Variants in ATXN7 observed in about 807,000 individuals in gnomAD.
ATXN7 encodes ataxin-7.
ATXN7 carries 12 observed loss-of-function variants against 70.5 expected under a neutral mutation model. The ratio of observed to expected loss-of-function variants is 0.17; its 90% CI spans 0.11 to 0.28. The LOEUF (loss-of-function observed/expected upper bound fraction) is 0.28. Among genes scored for constraint, ATXN7 ranks in the 10% least tolerant of loss-of-function variants. The pLI is 1.00. For synonymous variants in ATXN7, 498 were observed against 448.7 expected, an observed-to-expected ratio of 1.11 and a Z score of -1.39; for missense variants, 1,256 against 1,131.7, an observed-to-expected ratio of 1.11 and a Z score of -1.58.
intron 4 of ATXN7, among the ~76,000 whole-genome samples, chr3:63,920,375 C>T (rs1704460107): frequency 6.6e-6 from 1 of 152,116 alleles, no homozygotes; most frequent in Non-Finnish European, 1.5e-5. Flanking sequence ...GAAACTACGA[C>T]TCAGAAAAGT....
chr3:63,913,457 T>C (rs527436796), intron 4 of ATXN7, among the ~76,000 whole-genome samples: 3 of 152,148 alleles, frequency 2.0e-5, no homozygotes, highest in Non-Finnish European at 4.4e-5. Flanking sequence ...GCAGCATTAT[T>C]GGTGATGAGC....
At chr3:63,973,888 C>T (rs1339250018) in intron 5 of ATXN7, among the ~76,000 whole-genome samples, 1 of 151,848 alleles carries the variant, frequency 6.6e-6, no homozygotes, top group African/African-American at 2.4e-5. Context: ...GAAGGCACAA[C>T]TCAAAGGTGG....
intron 9 of ATXN7, among the ~76,000 whole-genome samples, chr3:63,989,318 A>T (rs1000332398): frequency 1.3e-5 from 2 of 152,156 alleles, no homozygotes; most frequent in African/African-American, 4.8e-5. Flanking sequence ...AATTCCAGAG[A>T]CCATTGTAGG....
chr3:63,942,514 A>G (rs1198260734), intron 4 of ATXN7, among the ~76,000 whole-genome samples: 2 of 152,156 alleles, frequency 1.3e-5, no homozygotes, highest in African/African-American at 4.8e-5. Flanking sequence ...GTTCACCGAT[A>G]TATTTACCCA....
intron 4 of ATXN7, among the ~76,000 whole-genome samples, chr3:63,940,641 C>T (rs1202345429): frequency 3.9e-5 from 6 of 152,126 alleles, no homozygotes; most frequent in South Asian, 2.1e-4. Flanking sequence ...AGATATAGAC[C>T]GCAACTTTTT....
intron 5 of ATXN7, among the ~76,000 whole-genome samples, chr3:63,959,632 T>G (rs1359267528): frequency 2.0e-5 from 3 of 152,238 alleles, no homozygotes; most frequent in African/African-American, 7.2e-5. Context: ...ATAACTTAAG[T>G]AGCATTAGAT....
At chr3:63,907,848 A>C (rs1359391462) in intron 2 of ATXN7, among the ~76,000 whole-genome samples, 1 of 152,144 alleles carries the variant, frequency 6.6e-6, no homozygotes, top group African/African-American at 2.4e-5. Flanking sequence ...ATAAAATTAC[A>C]AGCCAGTTTT....
Position 63,995,454 on chromosome 3 carries a change from T to G in ATXN7, c.1683-51T>G, listed in dbSNP as rs372875490. 3.9e-5 allele frequency: 62 copies of G among 1,597,048 alleles called. No individual in the cohort carries two copies. The African/African-American group carries it at 5.2e-4, about 13-fold the overall frequency. On this transcript the variant is annotated intron_variant, in intron 11 of 12. Coordinates refer to ENST00000674280, the MANE Select transcript of ATXN7 (RefSeq NM_001377405.1). The stretch of plus-strand genomic sequence containing the variant: ...AAGAGGGTGGTGCCATCTGAAAGTC[T>G]CTGTGAATGGCTGTGGTCAGTGTCA...
Position 63,929,439 on chromosome 3 carries a change from A to G in ATXN7, c.394+16214A>G, listed in dbSNP as rs185680001. On this transcript the variant is annotated intron_variant, in intron 4 of 12. Coordinates refer to ENST00000674280, the MANE Select transcript of ATXN7 (RefSeq NM_001377405.1). ...AGGCATGCGCCACCATGCCCAGCTAATTTTTGTATTTTTAGTAGAGACCGG... is the reference window on the plus strand; with the variant it reads ...AGGCATGCGCCACCATGCCCAGCTAGTTTTTGTATTTTTAGTAGAGACCGG... Among the ~76,000 whole-genome samples, 607 of 151,884 alleles carry G rather than the reference A, an allele frequency of 4.0e-3. 4 individuals are homozygous for G. Among genetic ancestry groups the G allele is most frequent in the Non-Finnish European group, 5.0e-3 (338 of 67,958 alleles).
At chr3:63,994,764 C>G (rs768271404) in intron 11 of ATXN7, among the ~76,000 whole-genome samples, 9 of 152,154 alleles carry the variant, frequency 5.9e-5, no homozygotes, top group Non-Finnish European at 1.3e-4. Flanking sequence ...GGTTTAAATT[C>G]TGCCAAAGAA....
chr3:63,928,885 T>C (rs897769681), intron 4 of ATXN7, among the ~76,000 whole-genome samples: 2 of 152,228 alleles, frequency 1.3e-5, no homozygotes, highest in African/African-American at 4.8e-5. Flanking sequence ...GCTTGGTTAA[T>C]GTTTTAGATA....
At chr3:63,977,796 A>G (rs527897127) in intron 5 of ATXN7, among the ~76,000 whole-genome samples, 3 of 152,220 alleles carry the variant, frequency 2.0e-5, no homozygotes, top group Non-Finnish European at 2.9e-5. Context: ...TGAAATACCA[A>G]TGATGTCCCC....
At chr3:63,874,893 C>G (rs928582937) in intron 1 of ATXN7, among the ~76,000 whole-genome samples, 1 of 152,040 alleles carries the variant, frequency 6.6e-6, no homozygotes, top group Non-Finnish European at 1.5e-5. Flanking sequence ...TTCTGAAGGC[C>G]GAGAAGTCCA....
Position 63,995,869 on chromosome 3 carries a change from A to G in ATXN7, c.2047A>G (p.Lys683Glu), listed in dbSNP as rs1333746766. The change falls in exon 12 of 13, where the codon AAG becomes GAG. Residue 683 changes from lysine (K) to glutamate (E), a missense_variant. By Grantham distance (56) the Lys-to-Glu change is moderately conservative (BLOSUM62 1). Transcript: ENST00000674280. ...KLKSSKSLRP[K>E]ESSGNSTNCQ... is the part of the protein sequence containing the mutation. The stretch of plus-strand genomic sequence containing the variant: ...GAAATCCAGCAAATCTTTGAGGCCC[A>G]AGGAGTCTTCTGGTAACAGCACTAA... 1 of 1,614,232 alleles carries G rather than the reference A, an allele frequency of 6.2e-7. No homozygotes were observed. The highest frequency in any genetic ancestry group is 1.7e-5 in the Admixed American group (1 of 60,028).
At chr3:63,927,173 A>AT (rs1338499528) in intron 4 of ATXN7, among the ~76,000 whole-genome samples, 1 of 152,224 alleles carries the variant, frequency 6.6e-6, no homozygotes, top group East Asian at 1.9e-4. Flanking sequence ...CTTTGGGTAT[A>AT]TACCTAGTAA....
intron 4 of ATXN7, among the ~76,000 whole-genome samples, chr3:63,943,375 C>T (rs1405796147): frequency 6.6e-6 from 1 of 152,118 alleles, no homozygotes; most frequent in African/African-American, 2.4e-5. Flanking sequence ...TTAATTGGGC[C>T]TGATGACATT....
rs1263400762 is a variant in ATXN7 at position 63,912,667 on chromosome 3, A to C, written c.69A>C (p.Ala23=). ...GCGCGGCGGCGGCGGCGGGCGGAGC[A>C]GCGGCCGCGGCCGCCCGGCAGCAGC... The part of the protein sequence containing the change: ...PRRAAAAAGG[A]AAAAARQQQQ... Residue 23 remains alanine (A), a synonymous_variant, in exon 3 of 13, where the codon GCA becomes GCC. Coordinates refer to ENST00000674280, the MANE Select transcript of ATXN7 (RefSeq NM_001377405.1). The C allele has an allele frequency of 8.6e-6, 9 of 1,050,768 alleles. No homozygotes were observed. The East Asian group carries it at 7.9e-4, about 92-fold the overall frequency. The allele number at this position is 1,050,768 out of a possible 1,614,324, so 65.1% of individuals were successfully genotyped here. A position where few individuals can be genotyped will look rare whatever the true frequency, so the allele number is the denominator to read the frequency against.
chr3:63,952,833 G>A (rs1040204599), intron 5 of ATXN7, among the ~76,000 whole-genome samples: 3 of 77,788 alleles, frequency 3.9e-5, no homozygotes, highest in African/African-American at 1.5e-4. Flanking sequence ...GGATGCATGG[G>A]CCTTTTTTTT....
rs535771128 is a variant in ATXN7, at chr3:63,990,480, G to A, written c.1560+106G>A. 9.8e-5 allele frequency: 137 copies of A among 1,400,964 alleles called. 1 individual carries two copies. The highest frequency in any genetic ancestry group is 4.8e-4 in the Admixed American group (26 of 53,722). The allele number at this position is 1,400,964 out of a possible 1,614,324, so 86.8% of individuals were successfully genotyped here. A position where few individuals can be genotyped will look rare whatever the true frequency, so the allele number is the denominator to read the frequency against. On this transcript the variant is annotated intron_variant, in intron 10 of 12. Transcript: ENST00000674280. Reference sequence around the variant, plus strand: ...TGGCATGCCCGTATGTGTGGGACGCGGTCAAGGTGTGAGAGAAGTTCAAAA... The same window carrying A: ...TGGCATGCCCGTATGTGTGGGACGCAGTCAAGGTGTGAGAGAAGTTCAAAA...
Sources: allele counts gnomAD v4.1 joint callset (sites outside exome capture counted in the v4.1 genomes callset), GRCh38; gene constraint gnomAD v4.1.1; transcripts MANE v1.5; gene names NCBI Gene and HGNC (gene_info 2026-07-23, HGNC 2026-07-21).